PAXX: variants seen among roughly 807,000 people sequenced by gnomAD.
PAXX encodes the protein protein PAXX.
Under a neutral mutation model 25.6 loss-of-function variants are expected in PAXX, and 27 were observed. The ratio of observed to expected loss-of-function variants is 1.06; its 90% CI spans 0.78 to 1.46. The LOEUF (loss-of-function observed/expected upper bound fraction) is 1.46, where lower values mean the gene tolerates loss of function less well. Ranked by LOEUF, PAXX falls within the 40% of genes most tolerant of loss-of-function variation. The probability of loss-of-function intolerance (pLI) is 0.00; values close to 1 mark genes in which losing one functional copy is unlikely to be tolerated. For synonymous variants in PAXX, 126 were observed against 125.7 expected, an observed-to-expected ratio of 1.00 and a Z score of -0.02; for missense variants, 295 against 280.2, an observed-to-expected ratio of 1.05 and a Z score of -0.38.
Position 136,992,575 on chromosome 9 carries a change from C to A in PAXX, c.119+13C>A, listed in dbSNP as rs866558858. ...GCTTCAACCTCTAGTGAGTGGGGGT[C>A]CGCGGGGAGGTAGGGGTGCAGGGAG... is the stretch of plus-strand genomic sequence containing the variant. On this transcript the variant is annotated intron_variant, in intron 1 of 6. Coordinates refer to ENST00000371620, the MANE Select transcript of PAXX (RefSeq NM_183241.3). 2 of 1,509,064 alleles carry A rather than the reference C, an allele frequency of 1.3e-6. No individual in the cohort carries two copies. The highest frequency in any genetic ancestry group is 1.2e-5 in the South Asian group (1 of 80,224). The allele number at this position is 1,509,064 out of a possible 1,614,324, so 93.5% of individuals were successfully genotyped here.
rs1229036724 is a variant in PAXX, at chr9:136,993,606, G to A, written c.517G>A (p.Gly173Arg). ...CCCAGATCCCCAGAGAGGTGGCCCT[G>A]GACCTGGAGTCAGGAGGCGGTGTCC... is the stretch of plus-strand genomic sequence containing the variant. ...PDPDPQRGGPGPGVRRRCPGE... is the reference protein window; with the variant it reads ...PDPDPQRGGPRPGVRRRCPGE... The change falls in exon 6 of 7, where the codon GGA becomes AGA. Residue 173 changes from glycine to arginine, a missense_variant. By Grantham distance (125) the Gly-to-Arg change is moderately radical. Transcript: ENST00000371620. The A allele has an allele frequency of 6.2e-7, 1 of 1,613,748 alleles. No homozygotes were observed. The highest frequency in any genetic ancestry group is 1.7e-5 in the Admixed American group (1 of 60,006).
At position 136,993,618 on chromosome 9, in the gene PAXX, A is replaced by G. The variant is rs1830641335; in HGVS notation, c.529A>G (p.Arg177Gly). The G allele has an allele frequency of 1.2e-6, 2 of 1,613,820 alleles. No homozygotes were observed. Among genetic ancestry groups the G allele is most frequent in the East Asian group, 4.5e-5 (2 of 44,878 alleles). Residue 177 changes from arginine to glycine, a missense_variant, in exon 6 of 7, where the codon AGG becomes GGG. Transcript: ENST00000371620. ...PQRGGPGPGV[R>G]RRCPGESLIN... ...GAGAGGTGGCCCTGGACCTGGAGTC[A>G]GGAGGCGGTGTCCAGGAGAGTCGCT...
rs758047696 is a variant in PAXX at position 136,993,418 on chromosome 9, C to G, written c.490+7C>G. On this transcript the variant is annotated splice_region_variant and intron_variant, in intron 5 of 6. Coordinates refer to ENST00000371620, the MANE Select transcript of PAXX (RefSeq NM_183241.3). ...CCTCAGCTCTTCTTACCAGGTAAGG[C>G]ATGTCCGCCTGTGACTCAAGTAGGG... 3 of 1,604,590 alleles carry G rather than the reference C, an allele frequency of 1.9e-6. No homozygotes were observed. The highest frequency in any genetic ancestry group is 2.6e-6 in the Non-Finnish European group (3 of 1,175,082).
At position 136,993,194 on chromosome 9, in the gene PAXX, G is replaced by T; in HGVS notation, c.372G>T (p.Leu124=). ...GPEAAPRLRA[L]TLGLAKRVWS... is the part of the protein sequence containing the mutation. ...AGGCAGCCCCCAGGCTGCGGGCGCTGACACTGGGCCTGGCAAAACGCGTGT... is the reference window on the plus strand; with the variant it reads ...AGGCAGCCCCCAGGCTGCGGGCGCTTACACTGGGCCTGGCAAAACGCGTGT... The change falls in exon 4 of 7, where the codon CTG becomes CTT. Residue 124 remains leucine, a synonymous_variant. Coordinates refer to ENST00000371620, the MANE Select transcript of PAXX (RefSeq NM_183241.3). The T allele has an allele frequency of 6.5e-7, 1 of 1,544,898 alleles. No homozygotes were observed. The highest frequency in any genetic ancestry group is 2.0e-5 in the Admixed American group (1 of 49,198).
rs1477547766 is a variant in PAXX at position 136,993,359 on chromosome 9, T to G, written c.438T>G (p.Ala146=). Residue 146 remains alanine, a synonymous_variant, in exon 5 of 7, where the codon GCT becomes GCG. Coordinates refer to ENST00000371620, the MANE Select transcript of PAXX (RefSeq NM_183241.3). ...CCTCCCCAGCTGCAGAAGAGACAGCTGTCAGCCCGAGGAAGAGCCCCCGGC... is the reference window on the plus strand; with the variant it reads ...CCTCCCCAGCTGCAGAAGAGACAGCGGTCAGCCCGAGGAAGAGCCCCCGGC... ...ERRLAAAEET[A]VSPRKSPRPA... 5 of 1,606,612 alleles carry G rather than the reference T, an allele frequency of 3.1e-6. No individual in the cohort carries two copies. In the South Asian group the frequency reaches 5.5e-5, roughly 18 times the overall value.
At position 136,993,772 on chromosome 9, in the gene PAXX, A is replaced by G; in HGVS notation, c.582A>G (p.Lys194=). ...CACCCCTCTTCCCTCCCAGTAAGAA[A>G]CCAGCTGGTGGCGTGGACTTCGATG... The part of the protein sequence containing the change: ...SLINPGFKSK[K]PAGGVDFDET The change falls in exon 7 of 7, where the codon AAA becomes AAG. Residue 194 remains lysine (K), a synonymous_variant. Coordinates refer to ENST00000371620, the MANE Select transcript of PAXX (RefSeq NM_183241.3). The G allele has an allele frequency of 1.2e-6, 2 of 1,613,910 alleles. No homozygotes were observed. Among genetic ancestry groups the G allele is most frequent in the Non-Finnish European group, 1.7e-6 (2 of 1,179,974 alleles).
Position 136,993,904 on chromosome 9 carries a change from G to A in PAXX, c.*99G>A, listed in dbSNP as rs535184773. The A allele has an allele frequency of 5.8e-6, 7 of 1,214,392 alleles. No individual in the cohort carries two copies. The highest frequency in any genetic ancestry group is 3.0e-5 in the African/African-American group (2 of 66,726). 75.2% of individuals were successfully genotyped at this position (1,214,392 alleles called of 1,614,324 possible). ...AGACCCCCCGCCACCACCTCCACCT[G>A]CCTGTCCTGGGCCAGGACTAACACG... is the stretch of plus-strand genomic sequence containing the variant. On this transcript the variant is annotated 3_prime_UTR_variant, in exon 7 of 7. Coordinates refer to ENST00000371620, the MANE Select transcript of PAXX (RefSeq NM_183241.3).
chr9:136,993,744 T>C (rs1175999694), intron 6 of PAXX, 22 bp from the exon 7 acceptor site: 1 of 1,613,884 alleles, frequency 6.2e-7, no homozygotes, highest in South Asian at 1.1e-5. Context: ...AGTGCCATAG[T>C]GACACCCCTC....
rs895967111 is a variant in PAXX at position 136,992,923 on chromosome 9, A to G, written c.181-2A>G. On this transcript the variant is annotated splice_acceptor_variant, in intron 2 of 6. Coordinates refer to ENST00000371620, the MANE Select transcript of PAXX (RefSeq NM_183241.3). LOFTEE classifies it high-confidence loss of function. ...CTCGTGACAAGCCCCTGTGCTCTCT[A>G]GAAAGCCCGTTTTGGCCTGAGTGCG... 1 of 1,613,502 alleles carries G rather than the reference A, an allele frequency of 6.2e-7. No individual in the cohort carries two copies. The highest frequency in any genetic ancestry group is 8.5e-7 in the Non-Finnish European group (1 of 1,179,948).
chr9:136,993,095 G>A lies in PAXX; in HGVS notation c.273G>A (p.Glu91=). The A allele has an allele frequency of 2.5e-6, 4 of 1,610,048 alleles. No homozygotes were observed. The highest frequency in any genetic ancestry group is 2.2e-5 in the South Asian group (2 of 90,902). The change falls in exon 4 of 7, where the codon GAG becomes GAA. Residue 91 remains glutamate, a synonymous_variant. Transcript: ENST00000371620. The part of the protein sequence containing the change: ...EQQAVALTLQ[E]DRASLTLSGG... ...AAGCTGTGGCTCTGACTCTGCAGGA[G>A]GACAGAGCATCCCTGACGCTTTCAG...
chr9:136,993,759 C>T lies in PAXX; in HGVS notation c.576-7C>T, dbSNP rs1433929413. 1.2e-6 allele frequency: 2 copies of T among 1,613,988 alleles called. No individual in the cohort carries two copies. Among genetic ancestry groups the T allele is most frequent in the Non-Finnish European group, 8.5e-7 (1 of 1,180,012 alleles). On this transcript the variant is annotated splice_region_variant and splice_polypyrimidine_tract_variant and intron_variant, in intron 6 of 6. Coordinates refer to ENST00000371620, the MANE Select transcript of PAXX (RefSeq NM_183241.3). ...AGTGCCATAGTGACACCCCTCTTCC[C>T]TCCCAGTAAGAAACCAGCTGGTGGC...
In PAXX at chr9:136,992,635, C is replaced by T. The variant is rs1286600281; in HGVS notation, c.120-5C>T. On this transcript the variant is annotated splice_region_variant and splice_polypyrimidine_tract_variant and intron_variant, in intron 1 of 6. Transcript: ENST00000371620. ...CGGCCCCGCCTGACAGGCCTTCTCCCCCAGCGTGACCGACGCCGCGGAGCT... is the reference window on the plus strand; with the variant it reads ...CGGCCCCGCCTGACAGGCCTTCTCCTCCAGCGTGACCGACGCCGCGGAGCT... 1.3e-6 allele frequency: 2 copies of T among 1,541,860 alleles called. No individual in the cohort carries two copies. The highest frequency in any genetic ancestry group is 1.7e-6 in the Non-Finnish European group (2 of 1,146,602).
Position 136,992,651 on chromosome 9 carries a change from C to G in PAXX, c.131C>G (p.Ala44Gly), listed in dbSNP as rs1309901880. The change falls in exon 2 of 7, where the codon GCC becomes GGC. Residue 44 changes from alanine to glycine, a missense_variant. Physicochemically the swap from Ala to Gly is moderately conservative, Grantham distance 60. Transcript: ENST00000371620. ...RGGFNLYVTD[A>G]AELWSTCFTP... ...GCCTTCTCCCCCAGCGTGACCGACG[C>G]CGCGGAGCTTTGGAGCACCTGCTTC... 6.5e-7 allele frequency: 1 copy of G among 1,541,280 alleles called. No individual in the cohort carries two copies. Among genetic ancestry groups the G allele is most frequent in the Admixed American group, 2.0e-5 (1 of 50,980 alleles).
At chr9:136,993,521 A>C in intron 5 of PAXX, 59 bp from the exon 6 acceptor site, 1 of 1,605,122 alleles carries the variant, frequency 6.2e-7, no homozygotes, top group South Asian at 1.1e-5. Flanking sequence ...CTATTCGGAG[A>C]AGGTTGTGGT....
chr9:136,993,861 C>G lies in PAXX; in HGVS notation c.*56C>G. On this transcript the variant is annotated 3_prime_UTR_variant, in exon 7 of 7. Transcript: ENST00000371620. ...GTCCGCCTATGAGGGGAGAGGCAGT[C>G]TTTGAGGCCCCCATCAGAGACCCCC... 2 of 1,581,242 alleles carry G rather than the reference C, an allele frequency of 1.3e-6. No homozygotes were observed. Among genetic ancestry groups the G allele is most frequent in the African/African-American group, 1.3e-5 (1 of 74,480 alleles).
chr9:136,993,114 C>A lies in PAXX; in HGVS notation c.292C>A (p.Leu98Ile). 1 of 1,604,650 alleles carries A rather than the reference C, an allele frequency of 6.2e-7. No homozygotes were observed. Among genetic ancestry groups the A allele is most frequent in the South Asian group, 1.1e-5 (1 of 90,426 alleles). Residue 98 changes from leucine (L) to isoleucine (I), a missense_variant, in exon 4 of 7, where the codon CTT becomes ATT. Physicochemically the swap from Leu to Ile is conservative, Grantham distance 5. Transcript: ENST00000371620. ...GCAGGAGGACAGAGCATCCCTGACG[C>A]TTTCAGGGGGGCCCTCGGCACTGGC... ...TLQEDRASLT[L>I]SGGPSALAFD...
chr9:136,993,027 A>G, intron 3 of PAXX, 26 bp from the exon 4 acceptor site: 1 of 1,612,860 alleles, frequency 6.2e-7, no homozygotes, highest in Non-Finnish European at 8.5e-7. Flanking sequence ...GGTCTGCCAC[A>G]GCTCTCCGCA....
Position 136,993,755 on chromosome 9 carries a change from T to C in PAXX, c.576-11T>C. On this transcript the variant is annotated splice_polypyrimidine_tract_variant and intron_variant, in intron 6 of 6. Transcript: ENST00000371620. ...CCATAGTGCCATAGTGACACCCCTCTTCCCTCCCAGTAAGAAACCAGCTGG... is the reference window on the plus strand; with the variant it reads ...CCATAGTGCCATAGTGACACCCCTCCTCCCTCCCAGTAAGAAACCAGCTGG... 6.2e-7 allele frequency: 1 copy of C among 1,613,908 alleles called. No homozygotes were observed. Among genetic ancestry groups the C allele is most frequent in the Non-Finnish European group, 8.5e-7 (1 of 1,179,974 alleles).
At position 136,993,584 on chromosome 9, in the gene PAXX, A is replaced by C. The variant is rs751416028; in HGVS notation, c.495A>C (p.Pro165=). ...PAGPQLFLPD[P]DPQRGGPGPG... ...CCCTGTCCTGTTTTCCCCCAGACCC[A>C]GATCCCCAGAGAGGTGGCCCTGGAC... Residue 165 remains proline, a synonymous_variant, in exon 6 of 7, where the codon CCA becomes CCC. Coordinates refer to ENST00000371620, the MANE Select transcript of PAXX (RefSeq NM_183241.3). 6.2e-7 allele frequency: 1 copy of C among 1,613,892 alleles called. No individual in the cohort carries two copies. Among genetic ancestry groups the C allele is most frequent in the East Asian group, 2.2e-5 (1 of 44,876 alleles).
Sources: allele counts gnomAD v4.1 joint callset, GRCh38; gene constraint gnomAD v4.1.1; transcripts MANE v1.5; gene names NCBI Gene and HGNC (gene_info 2026-07-23, HGNC 2026-07-21).